SLC5A1: variants seen among roughly 807,000 people sequenced by gnomAD.
SLC5A1 encodes the protein solute carrier family 5 member 1, also known as sodium/glucose cotransporter 1.
SLC5A1 carries 42 observed loss-of-function variants against 73.5 expected under a neutral mutation model. The ratio of observed to expected loss-of-function variants is 0.57; its 90% CI spans 0.45 to 0.74. The LOEUF is 0.74. Ranked by LOEUF, SLC5A1 falls within the 30% of genes least tolerant of loss-of-function variation. SLC5A1 has a pLI of 0.00. For missense variants in SLC5A1, 634 were observed against 855.4 expected, an observed-to-expected ratio of 0.74 and a Z score of 3.23; for synonymous variants, 300 against 317.4, an observed-to-expected ratio of 0.95 and a Z score of 0.58.
In SLC5A1 at chr22:32,099,099, A is replaced by ATATAT. The variant is rs1356664693; in HGVS notation, c.1281-84_1281-83insTATAT. 1.6e-4 allele frequency: 26 copies of ATATAT among 160,366 alleles called. No individual in the cohort carries two copies. The East Asian group carries it at 3.9e-3, about 24-fold the overall frequency. The allele number at this position is 160,366 out of a possible 1,614,324, so 9.9% of individuals were successfully genotyped here. A position where few individuals can be genotyped will look rare whatever the true frequency, so the allele number is the denominator to read the frequency against. On this transcript the variant is annotated intron_variant, in intron 11 of 14. Coordinates refer to ENST00000266088, the MANE Select transcript of SLC5A1 (RefSeq NM_000343.4). ...GACTCTGTCTCAAAAAAAAAAAAAA[A>ATATAT]AAAAAAATATATATATATATATATA... is the stretch of plus-strand genomic sequence containing the variant.
chr22:32,065,488 T>C (rs1358494899), intron 2 of SLC5A1, among the ~76,000 whole-genome samples: 2 of 152,190 alleles, frequency 1.3e-5, no homozygotes, highest in Non-Finnish European at 2.9e-5. Flanking sequence ...CTCTTCAATC[T>C]AATCACTCTG....
intron 11 of SLC5A1, among the ~76,000 whole-genome samples, chr22:32,095,540 T>C (rs1271807729): frequency 6.6e-6 from 1 of 152,242 alleles, no homozygotes; most frequent in African/African-American, 2.4e-5. Context: ...TAGGTGGATA[T>C]ATATTTAGGA....
intron 8 of SLC5A1, 42 bp downstream of exon 8, chr22:32,084,701 G>C (rs575761301): frequency 2.5e-6 from 4 of 1,569,498 alleles, no homozygotes; most frequent in Non-Finnish European, 3.5e-6. Context: ...GTCTTCTCCA[G>C]GGCCCTACAG....
intron 2 of SLC5A1, among the ~76,000 whole-genome samples, chr22:32,061,205 C>A (rs1026556255): frequency 6.6e-6 from 1 of 152,094 alleles, no homozygotes; most frequent in Non-Finnish European, 1.5e-5. Context: ...GGGCAGATCA[C>A]CTGAGGTCAG....
rs559922604 is a variant in SLC5A1, at chr22:32,055,782, A to C, written c.207+5768A>C. Among the ~76,000 whole-genome samples the C allele has an allele frequency of 4.6e-5, 7 of 152,342 alleles. No homozygotes were observed. In the South Asian group the frequency reaches 1.2e-3, roughly 27 times the overall value. ...CCTCACAGAACTGTAGTGGGCATTA[A>C]ATAAGAAAAAGCAAATGAAATACAT... On this transcript the variant is annotated intron_variant, in intron 2 of 14. Transcript: ENST00000266088.
At chr22:32,064,103 C>T (rs1167737778) in intron 2 of SLC5A1, among the ~76,000 whole-genome samples, 1 of 152,122 alleles carries the variant, frequency 6.6e-6, no homozygotes, top group Non-Finnish European at 1.5e-5. Context: ...CTTAATAGTA[C>T]AGCATTAGGC....
intron 10 of SLC5A1, among the ~76,000 whole-genome samples, chr22:32,088,007 G>A (rs1449491198): frequency 9.9e-5 from 15 of 152,020 alleles, no homozygotes; most frequent in Admixed American, 9.8e-4. Context: ...CATGACTTTG[G>A]GCAAACCATT....
chr22:32,050,642 G>C (rs1256146721), intron 2 of SLC5A1, among the ~76,000 whole-genome samples: 2 of 152,178 alleles, frequency 1.3e-5, no homozygotes, highest in African/African-American at 4.8e-5. Context: ...TGAAGATTCA[G>C]AAACTCTGGA....
Position 32,043,478 on chromosome 22 carries a change from C to G in SLC5A1, c.135+62C>G. 6.4e-7 allele frequency: 1 copy of G among 1,570,758 alleles called. No homozygotes were observed. The highest frequency in any genetic ancestry group is 2.3e-5 in the East Asian group (1 of 44,274). On this transcript the variant is annotated intron_variant, in intron 1 of 14. Coordinates refer to ENST00000266088, the MANE Select transcript of SLC5A1 (RefSeq NM_000343.4). This position sits in a 1 kb window ranked among gnomAD's most constrained non-coding sequence, Gnocchi z 6.5. Reference sequence around the variant, plus strand: ...GCGCACAGAGGAGGAGCAATGGCCTCGCTGAGCTGCAAGGGGCAGTAGGCT... The same window carrying G: ...GCGCACAGAGGAGGAGCAATGGCCTGGCTGAGCTGCAAGGGGCAGTAGGCT...
In SLC5A1 at chr22:32,043,299, G is replaced by C; in HGVS notation, c.18G>C (p.Trp6Cys). The C allele has an allele frequency of 6.2e-7, 1 of 1,614,014 alleles. No individual in the cohort carries two copies. Among genetic ancestry groups the C allele is most frequent in the Non-Finnish European group, 8.5e-7 (1 of 1,180,010 alleles). ...CTGCCACCATGGACAGTAGCACCTG[G>C]AGCCCCAAGACCACCGCGGTCACCC... MDSST[W>C]SPKTTAVTRP... The change falls in exon 1 of 15, where the codon TGG (tryptophan) becomes TGC (cysteine). Residue 6 changes from tryptophan (W) to cysteine (C), a missense_variant. Trp to Cys is a radical substitution (Grantham distance 215, BLOSUM62 -2). Transcript: ENST00000266088. The surrounding 1 kb of genome is among the most constrained non-coding windows in gnomAD (Gnocchi z 6.5).
At chr22:32,100,812 A>T (rs1004532612) in intron 12 of SLC5A1, among the ~76,000 whole-genome samples, 10 of 152,186 alleles carry the variant, frequency 6.6e-5, no homozygotes, top group African/African-American at 2.4e-4. Context: ...AGTCACTTCC[A>T]GATGCCAGCA....
intron 9 of SLC5A1, 109 bp from the exon 10 acceptor site, chr22:32,086,111 A>T (rs2149492785): frequency 1.3e-6 from 1 of 743,796 alleles, no homozygotes; most frequent in Middle Eastern, 2.4e-4. Flanking sequence ...ACTGCACTCC[A>T]GCCTGGGCTA....
Position 32,086,232 on chromosome 22 carries a change from G to A in SLC5A1, c.1034G>A (p.Cys345Tyr). The change falls in exon 10 of 15, where the codon TGT becomes TAT. Residue 345 changes from cysteine (C) to tyrosine (Y), a missense_variant. Coordinates refer to ENST00000266088, the MANE Select transcript of SLC5A1 (RefSeq NM_000343.4). ...SRILYTEKIA[C>Y]VVPSECEKYC... ...CATCTCTTCCCAGAAAAAATTGCCT[G>A]TGTCGTCCCTTCAGAATGTGAGAAA... 6.2e-7 allele frequency: 1 copy of A among 1,613,200 alleles called. No homozygotes were observed. The highest frequency in any genetic ancestry group is 8.5e-7 in the Non-Finnish European group (1 of 1,179,210).
intron 2 of SLC5A1, among the ~76,000 whole-genome samples, chr22:32,064,065 G>A (rs763590304): frequency 9.2e-5 from 14 of 152,180 alleles, no homozygotes; most frequent in Non-Finnish European, 1.6e-4. Flanking sequence ...CTCATCTAAT[G>A]CAGTTAATAA....
chr22:32,094,988 C>T (rs191186293), intron 11 of SLC5A1, among the ~76,000 whole-genome samples: 1 of 152,178 alleles, frequency 6.6e-6, no homozygotes, highest in African/African-American at 2.4e-5. Context: ...GGGCTATGAA[C>T]TTTCCTCTTA....
At chr22:32,069,195 T>C (rs1445490060) in intron 5 of SLC5A1, among the ~76,000 whole-genome samples, 3 of 152,058 alleles carry the variant, frequency 2.0e-5, no homozygotes, top group African/African-American at 7.2e-5. Flanking sequence ...GAAAGACAAA[T>C]ACAGCATAGT....
chr22:32,091,494 A>C lies in SLC5A1; in HGVS notation c.1130-118A>C, dbSNP rs553491052. 144 of 1,164,668 alleles carry C rather than the reference A, an allele frequency of 1.2e-4. No homozygotes were observed. The African/African-American group carries it at 2.0e-3, about 16-fold the overall frequency. The allele number at this position is 1,164,668 out of a possible 1,614,324, so 72.1% of individuals were successfully genotyped here. A position where few individuals can be genotyped will look rare whatever the true frequency, so the allele number is the denominator to read the frequency against. On this transcript the variant is annotated intron_variant, in intron 10 of 14. Transcript: ENST00000266088. ...AGCTTCTAGTCTTTTTGGAGACAGA[A>C]ATTGGATAACATGGCATGGTTTCAG...
intron 5 of SLC5A1, among the ~76,000 whole-genome samples, chr22:32,073,022 C>T (rs1312093619): frequency 2.0e-5 from 3 of 152,118 alleles, no homozygotes; most frequent in African/African-American, 7.2e-5. Flanking sequence ...CTCTGATGCA[C>T]AAAGGTTTTA....
Position 32,110,407 on chromosome 22 carries a change from G to A in SLC5A1, c.*194G>A. The A allele has an allele frequency of 3.1e-6, 2 of 639,260 alleles. No homozygotes were observed. Among genetic ancestry groups the A allele is most frequent in the Non-Finnish European group, 5.7e-6 (2 of 350,896 alleles). 39.6% of individuals were successfully genotyped at this position (639,260 alleles called of 1,614,324 possible). A position where few individuals can be genotyped will look rare whatever the true frequency, so the allele number is the denominator to read the frequency against. ...TAATTTATGCATTTGAAGCCAGTGT[G>A]ATACAGCCATCTGTACCTACTGGAG... is the stretch of plus-strand genomic sequence containing the variant. On this transcript the variant is annotated 3_prime_UTR_variant, in exon 15 of 15. Coordinates refer to ENST00000266088, the MANE Select transcript of SLC5A1 (RefSeq NM_000343.4).
Sources: allele counts gnomAD v4.1 joint callset (sites outside exome capture counted in the v4.1 genomes callset), GRCh38; gene constraint gnomAD v4.1.1; non-coding constraint Gnocchi (gnomAD v3.1); transcripts MANE v1.5; gene names NCBI Gene and HGNC (gene_info 2026-07-23, HGNC 2026-07-21).